The following ACP3 variants were observed in gnomAD, a reference collection of about 807,000 sequenced individuals.
ACP3 encodes acid phosphatase 3.
Under a neutral mutation model 45.6 loss-of-function variants are expected in ACP3, and 38 were observed. The ratio of observed to expected loss-of-function variants is 0.83; its 90% CI spans 0.64 to 1.09. ACP3 has a LOEUF of 1.09. ACP3 is among the 50% of genes least tolerant of loss of function. The pLI is 0.00. For synonymous variants in ACP3, 162 were observed against 164.7 expected (o/e 0.98, Z 0.13); for missense variants, 466 against 463.2 (o/e 1.01, Z -0.05).
chr3:132,332,533 T>C (rs1158003841), intron 4 of ACP3, 189 bp downstream of exon 4: 2 of 685,192 alleles, frequency 2.9e-6, no homozygotes, highest in Non-Finnish European at 4.7e-6. Context: ...AGGAACCAAA[T>C]TTCTCTTTGG....
chr3:132,328,122 C>T (rs746185287), intron 1 of ACP3, 145 bp from the exon 2 acceptor site: 9 of 553,774 alleles, frequency 1.6e-5, no homozygotes, highest in Non-Finnish European at 9.6e-6. Flanking sequence ...AGCCAGTCCT[C>T]AGAATCTTTT....
At chr3:132,317,605 C>G (rs1250111813) in intron 1 of ACP3, 29 bp downstream of exon 1, 1 of 1,600,876 alleles carries the variant, frequency 6.2e-7, no homozygotes, top group Admixed American at 1.7e-5. Flanking sequence ...TTGCTTTTTC[C>G]TTAAAACTGT....
chr3:132,362,385 A>C (rs73003120), downstream of ACP3, among the ~76,000 whole-genome samples: 6,841 of 152,266 alleles, frequency 0.045, 495 homozygotes, highest in African/African-American at 0.16. Flanking sequence ...TGGTGGGTCA[A>C]GATAAATGAT....
At chr3:132,340,661 AT>A (rs945888853) in intron 5 of ACP3, among the ~76,000 whole-genome samples, 4 of 151,998 alleles carry the variant, frequency 2.6e-5, no homozygotes, top group Admixed American at 6.6e-5. Flanking sequence ...TGAATAGTTC[AT>A]TTTTTTCCTA....
Position 132,357,028 on chromosome 3 carries a change from T to C in ACP3, c.*150T>C. On this transcript the variant is annotated 3_prime_UTR_variant, in exon 10 of 10. Transcript: ENST00000336375. ...TTTAGGGACCCCCAACCTCAGGCAATTCCTACCTCTTCACCTGACCCTGCC... is the reference window on the plus strand; with the variant it reads ...TTTAGGGACCCCCAACCTCAGGCAACTCCTACCTCTTCACCTGACCCTGCC... The C allele has an allele frequency of 7.2e-7, 1 of 1,388,570 alleles. No individual in the cohort carries two copies. The highest frequency in any genetic ancestry group is 9.3e-7 in the Non-Finnish European group (1 of 1,074,270). The allele number at this position is 1,388,570 out of a possible 1,614,324, so 86.0% of individuals were successfully genotyped here.
intron 7 of ACP3, among the ~76,000 whole-genome samples, chr3:132,348,933 T>C (rs951653030): frequency 6.6e-6 from 1 of 150,408 alleles, no homozygotes; most frequent in African/African-American, 2.4e-5. Flanking sequence ...TGTGTGTTTG[T>C]TGAGTGGACT....
chr3:132,334,850 A>G (rs1937464001), intron 4 of ACP3, among the ~76,000 whole-genome samples: 1 of 152,242 alleles, frequency 6.6e-6, no homozygotes, highest in Non-Finnish European at 1.5e-5. Flanking sequence ...ACCTACATCC[A>G]ACTACCACTT....
At chr3:132,336,641 G>A (rs1937495943) in intron 4 of ACP3, among the ~76,000 whole-genome samples, 1 of 152,128 alleles carries the variant, frequency 6.6e-6, no homozygotes, top group Non-Finnish European at 1.5e-5. Context: ...TTCAAGGCAG[G>A]GAACAGTTTT....
rs754713088 is a variant in ACP3 at position 132,337,441 on chromosome 3, T to C, written c.457-15T>C. The C allele has an allele frequency of 5.8e-6, 9 of 1,549,004 alleles. No homozygotes were observed. In the African/African-American group the frequency reaches 1.2e-4, roughly 21 times the overall value. ...CTGACTCATAACAGTTTTATGATTTTTCTCTTATCCTCAGTTGCTATACCT... is the reference window on the plus strand; with the variant it reads ...CTGACTCATAACAGTTTTATGATTTCTCTCTTATCCTCAGTTGCTATACCT... On this transcript the variant is annotated splice_polypyrimidine_tract_variant and intron_variant, in intron 4 of 9. Coordinates refer to ENST00000336375, the MANE Select transcript of ACP3 (RefSeq NM_001099.5).
intron 2 of ACP3, 59 bp downstream of exon 2, chr3:132,328,421 G>A (rs1302414614): frequency 1.0e-5 from 15 of 1,451,018 alleles, no homozygotes; most frequent in African/African-American, 1.4e-5. Context: ...GCTCACGCCT[G>A]TAATCCCAGC....
At chr3:132,355,671 C>A (rs1355625032) in intron 9 of ACP3, among the ~76,000 whole-genome samples, 1 of 152,064 alleles carries the variant, frequency 6.6e-6, no homozygotes, top group Non-Finnish European at 1.5e-5. Flanking sequence ...GCATGTGCCA[C>A]CACACCCAGC....
In ACP3 at chr3:132,317,561, G is replaced by A. The variant is rs769774776; in HGVS notation, c.105G>A (p.Leu35=). 1 of 1,611,696 alleles carries A rather than the reference G, an allele frequency of 6.2e-7. No individual in the cohort carries two copies. The highest frequency in any genetic ancestry group is 2.2e-5 in the East Asian group (1 of 44,822). ...WLDRSVLAKE[L]KFVTLVFRHG... ...ACCGAAGTGTACTAGCCAAGGAGTT[G>A]AAGTTTGTGACTTTGGTAAGTAGAC... Residue 35 remains leucine (L), a synonymous_variant, in exon 1 of 10, where the codon TTG becomes TTA. Coordinates refer to ENST00000336375, the MANE Select transcript of ACP3 (RefSeq NM_001099.5).
At chr3:132,326,866 A>G (rs1937306792) in intron 1 of ACP3, among the ~76,000 whole-genome samples, 1 of 152,228 alleles carries the variant, frequency 6.6e-6, no homozygotes, top group Non-Finnish European at 1.5e-5. Context: ...CTCTATATTA[A>G]AAATATTTGC....
chr3:132,342,566 C>T lies in ACP3; in HGVS notation c.570C>T (p.Thr190=). ...RLHPYKDFIA[T]LGKLSGLHGQ... ...TTGTGTTTCAGGATTTTATAGCTAC[C>T]TTGGGAAAACTTTCAGGATTACATG... is the stretch of plus-strand genomic sequence containing the variant. Residue 190 remains threonine, a synonymous_variant, in exon 6 of 10, where the codon ACC becomes ACT. Transcript: ENST00000336375. 1 of 1,612,130 alleles carries T rather than the reference C, an allele frequency of 6.2e-7. No individual in the cohort carries two copies. Among genetic ancestry groups the T allele is most frequent in the Non-Finnish European group, 8.5e-7 (1 of 1,179,206 alleles).
At chr3:132,322,319 C>T (rs1290321302) in intron 1 of ACP3, among the ~76,000 whole-genome samples, 1 of 152,160 alleles carries the variant, frequency 6.6e-6, no homozygotes, top group Non-Finnish European at 1.5e-5. Flanking sequence ...TATTCTCATG[C>T]TGATTCCTTT....
At chr3:132,362,131 T>A (rs570238533), downstream of ACP3, among the ~76,000 whole-genome samples, 354 of 152,286 alleles carry the variant, frequency 2.3e-3, 3 homozygotes, top group African/African-American at 8.0e-3. Context: ...CTTTTTTTTT[T>A]AACTTCTCTT....
intron 6 of ACP3, 47 bp downstream of exon 6, chr3:132,342,691 A>G: frequency 8.8e-7 from 1 of 1,131,762 alleles, no homozygotes; most frequent in Non-Finnish European, 1.3e-6. Flanking sequence ...TGATTTTATG[A>G]TTTATGCTTA....
chr3:132,332,794 G>A (rs61793792), intron 4 of ACP3, among the ~76,000 whole-genome samples: 18,739 of 152,190 alleles, frequency 0.12, 1,521 homozygotes, highest in Non-Finnish European at 0.18. Context: ...AAAGATTTGA[G>A]TGCATAATCA....
chr3:132,335,494 G>A (rs1395173695), intron 4 of ACP3, among the ~76,000 whole-genome samples: 6 of 152,146 alleles, frequency 3.9e-5, no homozygotes, highest in African/African-American at 1.4e-4. Flanking sequence ...CCCTGTGCTG[G>A]GCATTGACAT....
Sources: allele counts gnomAD v4.1 joint callset (sites outside exome capture counted in the v4.1 genomes callset), GRCh38; gene constraint gnomAD v4.1.1; transcripts MANE v1.5; gene names NCBI Gene and HGNC (gene_info 2026-07-23, HGNC 2026-07-21).